GRM8: variants seen among roughly 807,000 people sequenced by gnomAD.
GRM8 encodes the protein glutamate metabotropic receptor 8.
Under a neutral mutation model 87.2 loss-of-function variants are expected in GRM8, and 47 were observed. The ratio of observed to expected loss-of-function variants is 0.54; its 90% CI spans 0.43 to 0.69. The LOEUF is 0.69. Ranked by LOEUF, GRM8 falls within the 30% of genes least tolerant of loss-of-function variation. GRM8 has a pLI of 0.00. For synonymous variants in GRM8, 396 were observed against 404.5 expected (o/e 0.98, Z 0.25); for missense variants, 1,019 against 1,139.2 (o/e 0.89, Z 1.52).
intron 8 of GRM8, among the ~76,000 whole-genome samples, chr7:126,544,478 C>T (rs983333052): frequency 1.3e-5 from 2 of 151,940 alleles, no homozygotes; most frequent in African/African-American, 4.8e-5. Flanking sequence ...GTTTGGAAGA[C>T]CTAACAAATT....
chr7:127,086,966 G>T (rs1381433972), intron 3 of GRM8, among the ~76,000 whole-genome samples: 1 of 152,218 alleles, frequency 6.6e-6, no homozygotes, highest in Non-Finnish European at 1.5e-5. Flanking sequence ...AGGGCTCGAT[G>T]CCAAAAGCTG....
At chr7:126,735,039 T>A (rs1427058024) in intron 7 of GRM8, among the ~76,000 whole-genome samples, 1 of 152,046 alleles carries the variant, frequency 6.6e-6, no homozygotes, top group Admixed American at 6.6e-5. Context: ...TCACAGGAGA[T>A]CTTCCATAGG....
chr7:126,892,892 G>A (rs1309092059), intron 6 of GRM8, among the ~76,000 whole-genome samples: 1 of 152,028 alleles, frequency 6.6e-6, no homozygotes, highest in Non-Finnish European at 1.5e-5. Flanking sequence ...GGCCAGTGAT[G>A]GTGAGCATTT....
At chr7:126,935,659 G>T (rs546255172) in intron 3 of GRM8, among the ~76,000 whole-genome samples, 1 of 152,312 alleles carries the variant, frequency 6.6e-6, no homozygotes, top group South Asian at 2.1e-4. Flanking sequence ...CACTAGCAAG[G>T]TTCAGAAGTG....
chr7:126,528,216 A>G (rs551856302), intron 9 of GRM8, among the ~76,000 whole-genome samples: 6 of 149,584 alleles, frequency 4.0e-5, no homozygotes, highest in East Asian at 2.6e-4. Context: ...TCAAAAAACA[A>G]CGACAACAAC....
rs73228941 is a variant in GRM8, at chr7:126,918,452, C to T, written c.728-13769G>A. Among the ~76,000 whole-genome samples the T allele has an allele frequency of 4.0e-3, 602 of 152,140 alleles. 4 individuals carry two copies. Among genetic ancestry groups the T allele is most frequent in the Non-Finnish European group, 3.7e-3 (253 of 68,006 alleles). On this transcript the variant is annotated intron_variant, in intron 3 of 10. Transcript: ENST00000339582. Reference sequence around the variant, plus strand: ...CTTTTCCACAATAAGAAGCAGACAACTCATGTTACTGTAGAAGGAATACAG... The same window carrying T: ...CTTTTCCACAATAAGAAGCAGACAATTCATGTTACTGTAGAAGGAATACAG...
intron 7 of GRM8, among the ~76,000 whole-genome samples, chr7:126,760,242 G>A (rs1427314757): frequency 6.6e-6 from 1 of 152,068 alleles, no homozygotes; most frequent in African/African-American, 2.4e-5. Context: ...TAAAGAATGA[G>A]TAAAAGAAGC....
chr7:126,815,395 G>A (rs10226772), intron 6 of GRM8, among the ~76,000 whole-genome samples: 2,915 of 152,102 alleles, frequency 0.019, 97 homozygotes, highest in African/African-American at 0.066. Context: ...ACCAGAAATC[G>A]TATACATAGA....
chr7:126,901,135 C>G (rs1310525253), intron 6 of GRM8, among the ~76,000 whole-genome samples: 1 of 152,136 alleles, frequency 6.6e-6, no homozygotes, highest in Non-Finnish European at 1.5e-5. Context: ...TCCAACCTCC[C>G]TGAACTATTT....
At chr7:126,658,578 A>G (rs966150278) in intron 7 of GRM8, among the ~76,000 whole-genome samples, 1 of 151,940 alleles carries the variant, frequency 6.6e-6, no homozygotes, top group Admixed American at 6.6e-5. Flanking sequence ...ACCTGGTCCA[A>G]GATGAATCCT....
At chr7:126,815,850 T>C (rs1793738841) in intron 6 of GRM8, among the ~76,000 whole-genome samples, 2 of 152,096 alleles carry the variant, frequency 1.3e-5, no homozygotes, top group South Asian at 4.1e-4. Flanking sequence ...ATGATAGCCA[T>C]GATGATAACA....
At chr7:126,622,986 T>G (rs1226259795) in intron 7 of GRM8, among the ~76,000 whole-genome samples, 1 of 152,240 alleles carries the variant, frequency 6.6e-6, no homozygotes, top group African/African-American at 2.4e-5. Flanking sequence ...GACACAATGC[T>G]TGATTCTTAC....
rs561369587 is a variant in GRM8, at chr7:126,441,233, G to A, written c.2678-2065C>T. Among the ~76,000 whole-genome samples the A allele has an allele frequency of 8.5e-5, 13 of 152,054 alleles. No homozygotes were observed. The South Asian group carries it at 2.5e-3, about 29-fold the overall frequency. The stretch of plus-strand genomic sequence containing the variant: ...TATAGAAAACATGTGAATTGCCAAT[G>A]CATATTTATGGTTTCTTTTGGTTTC... On this transcript the variant is annotated intron_variant, in intron 10 of 10. Transcript: ENST00000339582.
intron 3 of GRM8, among the ~76,000 whole-genome samples, chr7:127,092,951 G>C (rs148455627): frequency 6.6e-6 from 1 of 152,126 alleles, no homozygotes; most frequent in African/African-American, 2.4e-5. Context: ...CTCCTTCCTC[G>C]GTCCAGGCCT....
At chr7:126,467,950 T>C (rs1421795104) in intron 9 of GRM8, among the ~76,000 whole-genome samples, 2 of 152,056 alleles carry the variant, frequency 1.3e-5, no homozygotes, top group Non-Finnish European at 2.9e-5. Context: ...TAAATCATTT[T>C]CCAGCCATAG....
chr7:126,876,869 T>C (rs1412617353), intron 6 of GRM8, among the ~76,000 whole-genome samples: 1 of 152,056 alleles, frequency 6.6e-6, no homozygotes, highest in African/African-American at 2.4e-5. Flanking sequence ...TTGGGAAATA[T>C]ACAGTACTTG....
chr7:126,710,902 A>C (rs1811030758), intron 7 of GRM8, among the ~76,000 whole-genome samples: 1 of 152,174 alleles, frequency 6.6e-6, no homozygotes, highest in Non-Finnish European at 1.5e-5. Flanking sequence ...GGCTGGGTAC[A>C]TGGCTCATGC....
intron 7 of GRM8, among the ~76,000 whole-genome samples, chr7:126,632,409 C>T (rs6958456): frequency 0.68 from 103,771 of 151,936 alleles, 36,007 homozygotes; most frequent in Non-Finnish European, 0.73. Context: ...TGTGGAGGAA[C>T]AGGAACACTT....
intron 6 of GRM8, among the ~76,000 whole-genome samples, chr7:126,872,640 G>A (rs1799202448): frequency 6.6e-6 from 1 of 152,078 alleles, no homozygotes; most frequent in Admixed American, 6.6e-5. Context: ...CTTTTCAGTA[G>A]ATAATACATT....
Sources: gnomAD v4.1 joint callset for allele counts (sites outside exome capture counted in the v4.1 genomes callset) on GRCh38, gnomAD v4.1.1 for gene constraint, MANE v1.5 for transcripts, NCBI Gene and HGNC (gene_info 2026-07-23, HGNC 2026-07-21) for gene names.